Variants in FSTL4 observed in about 807,000 individuals in gnomAD.
FSTL4 encodes the protein follistatin like 4.
In FSTL4, 28 loss-of-function variants were observed where a neutral mutation model predicts 78.2. The ratio of observed to expected loss-of-function variants is 0.36; its 90% CI spans 0.27 to 0.49. The LOEUF is 0.49. Ranked by LOEUF, FSTL4 falls within the 20% of genes least tolerant of loss-of-function variation. The pLI, the probability that FSTL4 is intolerant of heterozygous loss-of-function variation, is 0.98. For missense variants in FSTL4, 922 were observed against 1,084.9 expected (o/e 0.85, Z 2.11); for synonymous variants, 422 against 440.5 (o/e 0.96, Z 0.53).
rs530551601 is a variant in FSTL4 at position 133,278,426 on chromosome 5, G to A, written c.728-28850C>T. Reference sequence around the variant, plus strand: ...ATGGAGAGCCCTTCCATTTTCAGGAGTCCCAGCTCCCAGCAGGGCTCTGTC... The same window carrying A: ...ATGGAGAGCCCTTCCATTTTCAGGAATCCCAGCTCCCAGCAGGGCTCTGTC... On this transcript the variant is annotated intron_variant, in intron 6 of 15. Coordinates refer to ENST00000265342, the MANE Select transcript of FSTL4 (RefSeq NM_015082.2). 4.6e-5 allele frequency among the ~76,000 whole-genome samples: 7 copies of A among 152,342 alleles called. No individual in the cohort carries two copies. In the East Asian group the frequency reaches 1.4e-3, roughly 29 times the overall value.
At chr5:133,212,055 C>T (rs1209389702) in intron 13 of FSTL4, among the ~76,000 whole-genome samples, 3 of 152,186 alleles carry the variant, frequency 2.0e-5, no homozygotes, top group African/African-American at 7.2e-5. Context: ...TACCCCGAGG[C>T]CTTTGTAGCC....
chr5:133,767,606 A>G, the FSTL4 span, among the ~76,000 whole-genome samples: 3 of 152,304 alleles, frequency 2.0e-5, no homozygotes, highest in South Asian at 6.2e-4. Flanking sequence ...CCATAGTACA[A>G]ATGAGTCAAG....
At chr5:133,218,386 C>T (rs1171219009) in intron 12 of FSTL4, among the ~76,000 whole-genome samples, 2 of 152,204 alleles carry the variant, frequency 1.3e-5, no homozygotes, top group Non-Finnish European at 2.9e-5. Context: ...CTGGATTCCA[C>T]CCTAGCCTCC....
intron 6 of FSTL4, among the ~76,000 whole-genome samples, chr5:133,284,132 G>C (rs1281784536): frequency 1.3e-5 from 2 of 152,212 alleles, no homozygotes; most frequent in African/African-American, 4.8e-5. Flanking sequence ...CAAAGACCAG[G>C]AGACACATGT....
At chr5:133,667,165 A>AGCCTT in the FSTL4 span, among the ~76,000 whole-genome samples, 8 of 152,174 alleles carry the variant, frequency 5.3e-5, no homozygotes, top group African/African-American at 1.4e-4. Context: ...TCAGGGCAAA[A>AGCCTT]GCCTTGCAGT....
the FSTL4 span, among the ~76,000 whole-genome samples, chr5:133,805,586 A>G: frequency 6.6e-6 from 1 of 152,242 alleles, no homozygotes; most frequent in Non-Finnish European, 1.5e-5. Flanking sequence ...AAGAGATCAC[A>G]TGATCACTTA....
chr5:133,794,952 G>A, the FSTL4 span, among the ~76,000 whole-genome samples: 1 of 152,184 alleles, frequency 6.6e-6, no homozygotes, highest in Admixed American at 6.5e-5. Flanking sequence ...CTCCCTCTAA[G>A]CCTGGGGGGT....
intron 3 of FSTL4, among the ~76,000 whole-genome samples, chr5:133,553,090 C>T (rs1426649021): frequency 6.6e-6 from 1 of 152,106 alleles, no homozygotes; most frequent in African/African-American, 2.4e-5. Context: ...GCCTGGAAAA[C>T]GTAACTCTCC....
intron 3 of FSTL4, among the ~76,000 whole-genome samples, chr5:133,516,314 A>G (rs907326937): frequency 2.0e-5 from 3 of 152,216 alleles, no homozygotes; most frequent in Non-Finnish European, 2.9e-5. Context: ...AGTTCACAAA[A>G]TTACTATTAG....
intron 3 of FSTL4, among the ~76,000 whole-genome samples, chr5:133,412,654 C>T (rs1359584498): frequency 6.6e-6 from 1 of 152,176 alleles, no homozygotes; most frequent in Non-Finnish European, 1.5e-5. Flanking sequence ...CGGTGTCTTT[C>T]ATTTTGAATT....
the FSTL4 span, among the ~76,000 whole-genome samples, chr5:133,787,433 T>A: frequency 1.3e-5 from 2 of 152,170 alleles, no homozygotes; most frequent in South Asian, 4.1e-4. Context: ...CAAGTCTGCC[T>A]GCTGAACGCC....
At chr5:133,696,480 A>C in the FSTL4 span, among the ~76,000 whole-genome samples, 2 of 152,152 alleles carry the variant, frequency 1.3e-5, no homozygotes, top group Non-Finnish European at 2.9e-5. Flanking sequence ...CTGTCCTCGA[A>C]GCCCCAGAGC....
the FSTL4 span, among the ~76,000 whole-genome samples, chr5:133,819,107 G>C: frequency 6.6e-6 from 1 of 150,418 alleles, no homozygotes; most frequent in East Asian, 2.0e-4. Context: ...GGAACCTGCT[G>C]TTTCCCTGCC....
intron 3 of FSTL4, among the ~76,000 whole-genome samples, chr5:133,505,665 C>A (rs1275984193): frequency 6.6e-6 from 1 of 152,212 alleles, no homozygotes; most frequent in African/African-American, 2.4e-5. Flanking sequence ...AGAATGAATT[C>A]TTTAAAAGAA....
At chr5:133,679,094 T>C in the FSTL4 span, among the ~76,000 whole-genome samples, 1 of 152,140 alleles carries the variant, frequency 6.6e-6, no homozygotes, top group Non-Finnish European at 1.5e-5. Flanking sequence ...CAGGCTTCCC[T>C]ATGCCCTCTC....
At chr5:133,380,688 C>G (rs941999066) in intron 4 of FSTL4, among the ~76,000 whole-genome samples, 1 of 151,654 alleles carries the variant, frequency 6.6e-6, no homozygotes, top group Non-Finnish European at 1.5e-5. Context: ...TCAATATCAA[C>G]CTTATATCAA....
intron 3 of FSTL4, among the ~76,000 whole-genome samples, chr5:133,522,816 G>A (rs914151313): frequency 6.6e-6 from 1 of 152,186 alleles, no homozygotes; most frequent in Non-Finnish European, 1.5e-5. Context: ...GATTTGAAAC[G>A]CTAAGTGCCT....
At chr5:133,213,630 AAG>A (rs1750814648) in intron 13 of FSTL4, among the ~76,000 whole-genome samples, 1 of 152,230 alleles carries the variant, frequency 6.6e-6, no homozygotes, top group African/African-American at 2.4e-5. Context: ...AACAACATAA[AAG>A]AGTGCATCGT....
At chr5:133,660,524 G>A in the FSTL4 span, among the ~76,000 whole-genome samples, 1 of 152,312 alleles carries the variant, frequency 6.6e-6, no homozygotes, top group Admixed American at 6.5e-5. Context: ...AACATTCCCA[G>A]ATGTGAGTAA....
Sources: gnomAD v4.1 joint callset for allele counts (sites outside exome capture counted in the v4.1 genomes callset) on GRCh38, gnomAD v4.1.1 for gene constraint, MANE v1.5 for transcripts, NCBI Gene and HGNC (gene_info 2026-07-23, HGNC 2026-07-21) for gene names.